The following ZFYVE16 variants were observed in gnomAD, a reference collection of about 807,000 sequenced individuals.
The protein encoded by ZFYVE16 is zinc finger FYVE-type containing 16.
In ZFYVE16, 89 loss-of-function variants were observed where a neutral mutation model predicts 138.1. That is an observed-to-expected ratio of 0.64 (90% CI 0.54 to 0.77). ZFYVE16 has a LOEUF of 0.77. Among genes scored for constraint, ZFYVE16 ranks in the 30% least tolerant of loss-of-function variants. ZFYVE16 has a pLI of 0.00. For missense variants in ZFYVE16, 1,793 were observed against 1,786.7 expected (o/e 1.00, Z -0.06); for synonymous variants, 596 against 618.3 (o/e 0.96, Z 0.53).
At chr5:80,456,065 T>A (rs966833641) in intron 12 of ZFYVE16, 4 of 332,180 alleles carry the variant, frequency 1.2e-5, no homozygotes, top group Admixed American at 9.5e-5. Flanking sequence ...ACAGACCTCT[T>A]AAAGTTGTTG....
chr5:80,437,114 A>G lies in ZFYVE16; in HGVS notation c.429A>G (p.Glu143=), dbSNP rs527403033. 41 of 1,614,042 alleles carry G rather than the reference A, an allele frequency of 2.5e-5. No individual in the cohort carries two copies. In the South Asian group the frequency reaches 3.7e-4, roughly 15 times the overall value. The change falls in exon 4 of 19, where the codon GAA becomes GAG. Residue 143 remains glutamate, a synonymous_variant. Coordinates refer to ENST00000505560, the MANE Select transcript of ZFYVE16 (RefSeq NM_001284236.3). The part of the protein sequence containing the change: ...MGNLVHATNS[E]EDIKKLLPDD... Reference sequence around the variant, plus strand: ...ACTTAGTTCATGCAACCAATAGTGAAGAAGATATTAAAAAATTATTGCCAG... The same window carrying G: ...ACTTAGTTCATGCAACCAATAGTGAGGAAGATATTAAAAAATTATTGCCAG...
intron 5 of ZFYVE16, among the ~76,000 whole-genome samples, chr5:80,442,162 G>A (rs558655848): frequency 1.5e-4 from 23 of 152,198 alleles, no homozygotes; most frequent in African/African-American, 5.3e-4. Context: ...GGAGTGTAGT[G>A]GTGTGATCTC....
chr5:80,442,943 A>G lies in ZFYVE16; in HGVS notation c.2420-180A>G, dbSNP rs960835511. 21 of 551,680 alleles carry G rather than the reference A, an allele frequency of 3.8e-5. No homozygotes were observed. The African/African-American group carries it at 4.0e-4, about 11-fold the overall frequency. 34.2% of individuals were successfully genotyped at this position (551,680 alleles called of 1,614,324 possible). On this transcript the variant is annotated intron_variant, in intron 5 of 18. Transcript: ENST00000505560. ...AGCTTATCAAAGTGGCATGCTGCCAACTAAAGAGCCTGTGCTGGCTACTCA... is the reference window on the plus strand; with the variant it reads ...AGCTTATCAAAGTGGCATGCTGCCAGCTAAAGAGCCTGTGCTGGCTACTCA...
chr5:80,429,729 T>C (rs1206294589), intron 2 of ZFYVE16, among the ~76,000 whole-genome samples: 3 of 152,200 alleles, frequency 2.0e-5, no homozygotes, highest in South Asian at 4.2e-4. Context: ...GAGACACACA[T>C]AGGCTCAAAA....
chr5:80,450,609 G>T, intron 10 of ZFYVE16, 23 bp downstream of exon 10: 6 of 1,603,472 alleles, frequency 3.7e-6, no homozygotes, highest in Non-Finnish European at 5.1e-6. Flanking sequence ...ATTTTGAACT[G>T]TTCAGACTGG....
At chr5:80,465,568 G>T (rs558297623) in intron 15 of ZFYVE16, among the ~76,000 whole-genome samples, 4 of 151,314 alleles carry the variant, frequency 2.6e-5, no homozygotes, top group Admixed American at 6.6e-5. Flanking sequence ...ACCAGGTTTG[G>T]CTAATTTTTT....
chr5:80,417,114 TTTAC>T lies in ZFYVE16; in HGVS notation c.-94+8968_-94+8971del, dbSNP rs145036311. Among the ~76,000 whole-genome samples, 805 of 152,350 alleles carry T rather than the reference TTTAC, an allele frequency of 5.3e-3. 4 individuals are homozygous for T. The highest frequency in any genetic ancestry group is 0.018 in the African/African-American group (768 of 41,582). ...CTTGGCTTCCACGATCAGTCGTCCA[TTTAC>T]TTACTTGTTCAATTTCAGTATACAG... On this transcript the variant is annotated intron_variant, in intron 1 of 18. Coordinates refer to ENST00000505560, the MANE Select transcript of ZFYVE16 (RefSeq NM_001284236.3).
At chr5:80,454,599 C>G (rs1022999557) in intron 11 of ZFYVE16, 2 of 152,058 alleles carry the variant, frequency 1.3e-5, no homozygotes, top group Admixed American at 1.3e-4. Flanking sequence ...CTTCGCCTCC[C>G]GGGTTCACGC....
intron 2 of ZFYVE16, among the ~76,000 whole-genome samples, chr5:80,433,485 T>G (rs184115314): frequency 6.6e-6 from 1 of 152,138 alleles, no homozygotes; most frequent in Non-Finnish European, 1.5e-5. Flanking sequence ...ATACCTAATG[T>G]AAATGATGAG....
rs536824992 is a variant in ZFYVE16, at chr5:80,442,996, T to C, written c.2420-127T>C. On this transcript the variant is annotated intron_variant, in intron 5 of 18. Coordinates refer to ENST00000505560, the MANE Select transcript of ZFYVE16 (RefSeq NM_001284236.3). ...CAGTATCTTTGCCAAGTGCTACTTC[T>C]TTTTCTTGATTAGCCATTTCTTTCT... The C allele has an allele frequency of 3.1e-6, 3 of 957,554 alleles. No individual in the cohort carries two copies. In the East Asian group the frequency reaches 9.0e-5, roughly 29 times the overall value. The allele number at this position is 957,554 out of a possible 1,614,324, so 59.3% of individuals were successfully genotyped here.
In ZFYVE16 at chr5:80,482,681, A is replaced by C. The variant is rs532218306; in HGVS notation, c.*5304A>C. 1 of 152,320 alleles carries C rather than the reference A, an allele frequency of 6.6e-6. No homozygotes were observed. Among genetic ancestry groups the C allele is most frequent in the Admixed American group, 6.5e-5 (1 of 15,300 alleles). The allele number at this position is 152,320 out of a possible 1,614,324, so 9.4% of individuals were successfully genotyped here. The stretch of plus-strand genomic sequence containing the variant: ...AAATACTTTGAAAACAACTGGAAGA[A>C]AACAACACTTTGTATATAGGAGAAC... On this transcript the variant is annotated 3_prime_UTR_variant, in exon 19 of 19. Coordinates refer to ENST00000505560, the MANE Select transcript of ZFYVE16 (RefSeq NM_001284236.3).
chr5:80,453,681 C>G (rs570659065), intron 11 of ZFYVE16, among the ~76,000 whole-genome samples: 21 of 152,194 alleles, frequency 1.4e-4, no homozygotes, highest in Admixed American at 1.2e-3. Flanking sequence ...ATTGTTGGTG[C>G]CCATGTCTTT....
At chr5:80,414,550 A>G (rs1248202345) in intron 1 of ZFYVE16, among the ~76,000 whole-genome samples, 1 of 152,190 alleles carries the variant, frequency 6.6e-6, no homozygotes, top group Non-Finnish European at 1.5e-5. Context: ...CATTTATGAT[A>G]ACCAATCCTT....
chr5:80,475,415 G>A (rs1754803514), intron 18 of ZFYVE16, among the ~76,000 whole-genome samples: 1 of 152,166 alleles, frequency 6.6e-6, no homozygotes, highest in African/African-American at 2.4e-5. Flanking sequence ...AATGTAAATG[G>A]TTCCCAGTAG....
In ZFYVE16 at chr5:80,471,378, AGAAATTACT is replaced by A. The variant is rs558046777; in HGVS notation, c.4025-1380_4025-1372del. 6.6e-3 allele frequency among the ~76,000 whole-genome samples: 1,007 copies of A among 152,360 alleles called. 12 individuals carry two copies. Among genetic ancestry groups the A allele is most frequent in the African/African-American group, 0.022 (898 of 41,580 alleles). ...TGTGCTTCTGTTTTAAGGCTCTGTTAGAAATTACTGATGCACACACTATATTGTAAATTC... is the reference window on the plus strand; with the variant it reads ...TGTGCTTCTGTTTTAAGGCTCTGTTAGATGCACACACTATATTGTAAATTC... On this transcript the variant is annotated intron_variant, in intron 15 of 18. Transcript: ENST00000505560.
At chr5:80,428,784 A>G (rs1210916629) in intron 2 of ZFYVE16, among the ~76,000 whole-genome samples, 1 of 152,264 alleles carries the variant, frequency 6.6e-6, no homozygotes, top group Non-Finnish European at 1.5e-5. Context: ...GCTGAGAACC[A>G]TGGCATGAGA....
chr5:80,441,628 A>G, intron 5 of ZFYVE16: 1 of 985,442 alleles, frequency 1.0e-6, no homozygotes, highest in Non-Finnish European at 1.2e-6. Context: ...TAATTTGAAT[A>G]GAGATTGTAG....
chr5:80,445,453 C>T (rs774342694), intron 7 of ZFYVE16, 48 bp downstream of exon 7: 7 of 1,517,738 alleles, frequency 4.6e-6, no homozygotes, highest in Non-Finnish European at 6.2e-6. Context: ...AATTTTATTT[C>T]GTAGATAATT....
At chr5:80,465,396 C>CTTTGTT (rs1753591762) in intron 15 of ZFYVE16, among the ~76,000 whole-genome samples, 1 of 26,380 alleles carries the variant, frequency 3.8e-5, no homozygotes, top group Non-Finnish European at 1.0e-4. Context: ...TTTTCCTTTT[C>CTTTGTT]TTTGTTTTTT....
Sources: gnomAD v4.1 joint callset for allele counts (sites outside exome capture counted in the v4.1 genomes callset) on GRCh38, gnomAD v4.1.1 for gene constraint, MANE v1.5 for transcripts, NCBI Gene and HGNC (gene_info 2026-07-23, HGNC 2026-07-21) for gene names.